VSTM2A: variants seen among roughly 807,000 people sequenced by gnomAD.
The protein encoded by VSTM2A is V-set and transmembrane domain containing 2A, also known as V-set and transmembrane domain-containing protein 2A.
Under a neutral mutation model 27.3 loss-of-function variants are expected in VSTM2A, and 13 were observed. The ratio of observed to expected loss-of-function variants is 0.48; its 90% CI spans 0.31 to 0.76. The LOEUF (loss-of-function observed/expected upper bound fraction) is 0.76, where lower values mean the gene tolerates loss of function less well. VSTM2A is among the 30% of genes least tolerant of loss of function. The pLI is 0.05. For missense variants in VSTM2A, 280 were observed against 310.0 expected, an observed-to-expected ratio of 0.90 and a Z score of 0.73; for synonymous variants, 142 against 125.7, an observed-to-expected ratio of 1.13 and a Z score of -0.87.
At position 54,546,962 on chromosome 7, in the gene VSTM2A, G is replaced by T. The variant is rs770082723; in HGVS notation, c.262G>T (p.Asp88Tyr). The T allele has an allele frequency of 3.1e-6, 5 of 1,596,294 alleles. No individual in the cohort carries two copies. The highest frequency in any genetic ancestry group is 1.7e-4 in the Middle Eastern group (1 of 6,034). ...TTGCCCGCAGGTGGAGCTCTTGCCC[G>T]ACAGAGACCCGGACAGCGACGGGAC... ...GAGAQVELLP[D>Y]RDPDSDGTKI... The change falls in exon 3 of 5, where the codon GAC becomes TAC. Residue 88 changes from aspartate (D) to tyrosine (Y), a missense_variant. Asp to Tyr is a radical substitution (Grantham distance 160). Transcript: ENST00000402613.
At position 54,546,940 on chromosome 7, in the gene VSTM2A, C is replaced by T. The variant is rs547337649; in HGVS notation, c.247-7C>T. On this transcript the variant is annotated splice_region_variant and splice_polypyrimidine_tract_variant and intron_variant, in intron 2 of 4. Coordinates refer to ENST00000402613, the MANE Select transcript of VSTM2A (RefSeq NM_001301009.2). ...CGCGGGACTGAGCGTTCGCTCCTTG[C>T]CCGCAGGTGGAGCTCTTGCCCGACA... 5.0e-6 allele frequency: 8 copies of T among 1,598,334 alleles called. No individual in the cohort carries two copies. In the South Asian group the frequency reaches 5.5e-5, roughly 11 times the overall value.
At chr7:54,555,397 T>C (rs1432830904) in intron 4 of VSTM2A, among the ~76,000 whole-genome samples, 1 of 152,238 alleles carries the variant, frequency 6.6e-6, no homozygotes, top group Admixed American at 6.5e-5. Flanking sequence ...AGTCTTTCCA[T>C]TTGGTATTGC....
At position 54,549,885 on chromosome 7, in the gene VSTM2A, G is replaced by T; in HGVS notation, c.349G>T (p.Val117Leu). ...DISHKLQISK[V>L]RKKDEGLYEC... Reference sequence around the variant, plus strand: ...CTCCCACAAGCTTCAGATTTCCAAAGTGAGGAAAAAGGATGAAGGCTTATA... The same window carrying T: ...CTCCCACAAGCTTCAGATTTCCAAATTGAGGAAAAAGGATGAAGGCTTATA... Residue 117 changes from valine (V) to leucine (L), a missense_variant, in exon 4 of 5, where the codon GTG becomes TTG. Physicochemically the swap from Val to Leu is conservative, Grantham distance 32. Transcript: ENST00000402613. 6.2e-7 allele frequency: 1 copy of T among 1,612,012 alleles called. No homozygotes were observed. Among genetic ancestry groups the T allele is most frequent in the Non-Finnish European group, 8.5e-7 (1 of 1,179,186 alleles).
intron 4 of VSTM2A, chr7:54,551,968 C>G (rs187217323): frequency 6.6e-6 from 1 of 152,246 alleles, no homozygotes; most frequent in African/African-American, 2.4e-5. Context: ...GTTTTCTTAG[C>G]TTTTGGGGTT....
intron 4 of VSTM2A, among the ~76,000 whole-genome samples, chr7:54,562,018 G>A (rs932320869): frequency 4.6e-5 from 7 of 151,942 alleles, no homozygotes; most frequent in Non-Finnish European, 8.8e-5. Context: ...TCCACCTCCC[G>A]GGTTCAAACA....
At chr7:54,553,855 T>G (rs1192678966) in intron 4 of VSTM2A, 6 of 1,551,090 alleles carry the variant, frequency 3.9e-6, no homozygotes, top group East Asian at 2.4e-5. Context: ...TGTTTCTTCC[T>G]GTCTCATCCA....
chr7:54,554,199 C>T lies in VSTM2A; in HGVS notation c.634+4029C>T, dbSNP rs143221650. 4.9e-4 allele frequency: 700 copies of T among 1,429,224 alleles called. 3 individuals carry two copies. The African/African-American group carries it at 8.8e-3, about 18-fold the overall frequency. 88.5% of individuals were successfully genotyped at this position (1,429,224 alleles called of 1,614,324 possible). A position where few individuals can be genotyped will look rare whatever the true frequency, so the allele number is the denominator to read the frequency against. Reference sequence around the variant, plus strand: ...CTCTAGGCAGCCTTTCTCCCTCGATCACTCCTTCCTGACACTCTTACCTCT... The same window carrying T: ...CTCTAGGCAGCCTTTCTCCCTCGATTACTCCTTCCTGACACTCTTACCTCT... On this transcript the variant is annotated intron_variant, in intron 4 of 4. Coordinates refer to ENST00000402613, the MANE Select transcript of VSTM2A (RefSeq NM_001301009.2).
In VSTM2A at chr7:54,542,676, T is replaced by C; in HGVS notation, c.-55T>C. The C allele has an allele frequency of 6.4e-7, 1 of 1,559,026 alleles. No individual in the cohort carries two copies. The highest frequency in any genetic ancestry group is 8.8e-7 in the Non-Finnish European group (1 of 1,135,874). ...CCTGCCATCCACTCGCACGCCTTTC[T>C]TTCAGGGCTTTTCGGCTGTTGGCTA... On this transcript the variant is annotated 5_prime_UTR_variant, in exon 1 of 5. Transcript: ENST00000402613.
rs1188167723 is a variant in VSTM2A at position 54,544,746 on chromosome 7, G to A, written c.204G>A (p.Gly68=). 3.7e-6 allele frequency: 6 copies of A among 1,612,220 alleles called. No homozygotes were observed. Among genetic ancestry groups the A allele is most frequent in the Middle Eastern group, 1.6e-4 (1 of 6,070 alleles). ...AGATCCAATGGTGGTTCCTGCGGGGGCCGGAGGACCTGGATCCCGGGGCCG... is the reference window on the plus strand; with the variant it reads ...AGATCCAATGGTGGTTCCTGCGGGGACCGGAGGACCTGGATCCCGGGGCCG... ...YLEIQWWFLR[G]PEDLDPGAEG... The change falls in exon 2 of 5, where the codon GGG becomes GGA. Residue 68 remains glycine (G), a synonymous_variant. Coordinates refer to ENST00000402613, the MANE Select transcript of VSTM2A (RefSeq NM_001301009.2).
chr7:54,546,758 G>A lies in VSTM2A; in HGVS notation c.247-189G>A, dbSNP rs140013865. 2.1e-4 allele frequency: 120 copies of A among 582,736 alleles called. No homozygotes were observed. In the East Asian group the frequency reaches 3.7e-3, roughly 18 times the overall value. 36.1% of individuals were successfully genotyped at this position (582,736 alleles called of 1,614,324 possible). A position where few individuals can be genotyped will look rare whatever the true frequency, so the allele number is the denominator to read the frequency against. On this transcript the variant is annotated intron_variant, in intron 2 of 4. Transcript: ENST00000402613. ...GCGTGGGGTATGCCAGGGACAGCGT[G>A]GGGTATGCCAGGGACAGCGTGGGGG...
chr7:54,561,490 T>G (rs1364840095), intron 4 of VSTM2A, among the ~76,000 whole-genome samples: 1 of 152,256 alleles, frequency 6.6e-6, no homozygotes, highest in African/African-American at 2.4e-5. Context: ...TTAATTTATT[T>G]AAAATGATAT....
In VSTM2A at chr7:54,570,170, A is replaced by C. The variant is rs908947671; in HGVS notation, c.*951A>C. On this transcript the variant is annotated 3_prime_UTR_variant, in exon 5 of 5. Transcript: ENST00000402613. ...TGTCTGTGCTAAGTTGGAATTTACT[A>C]TGTTCCTTTATACATGGTGTTTATT... 2 of 152,098 alleles carry C rather than the reference A, an allele frequency of 1.3e-5. No individual in the cohort carries two copies. Among genetic ancestry groups the C allele is most frequent in the Non-Finnish European group, 2.9e-5 (2 of 67,984 alleles). The allele number at this position is 152,098 out of a possible 1,614,324, so 9.4% of individuals were successfully genotyped here. A position where few individuals can be genotyped will look rare whatever the true frequency, so the allele number is the denominator to read the frequency against.
rs1220840447 is a variant in VSTM2A, at chr7:54,542,670, CCTTT to C, written c.-55_-52del. ...ACTGAGCCTGCCATCCACTCGCACG[CCTTT>C]CTTTCAGGGCTTTTCGGCTGTTGGC... On this transcript the variant is annotated 5_prime_UTR_variant, in exon 1 of 5. Coordinates refer to ENST00000402613, the MANE Select transcript of VSTM2A (RefSeq NM_001301009.2). 4 of 1,506,158 alleles carry C rather than the reference CCTTT, an allele frequency of 2.7e-6. No individual in the cohort carries two copies. The highest frequency in any genetic ancestry group is 1.4e-5 in the African/African-American group (1 of 72,388). The allele number at this position is 1,506,158 out of a possible 1,614,324, so 93.3% of individuals were successfully genotyped here. A position where few individuals can be genotyped will look rare whatever the true frequency, so the allele number is the denominator to read the frequency against.
At chr7:54,542,953 A>AT (rs770183881) in intron 1 of VSTM2A, 144 bp downstream of exon 1, 25 of 769,394 alleles carry the variant, frequency 3.2e-5, no homozygotes, top group South Asian at 9.0e-5. Flanking sequence ...CTGTTTGACG[A>AT]TTTTTTTTAA....
intron 4 of VSTM2A, among the ~76,000 whole-genome samples, chr7:54,561,409 G>T (rs995834397): frequency 6.6e-6 from 1 of 152,170 alleles, no homozygotes; most frequent in African/African-American, 2.4e-5. Context: ...GACTGCCTAT[G>T]TAGCAATGGT....
At chr7:54,557,940 AT>A (rs1390138482) in intron 4 of VSTM2A, 2 of 152,180 alleles carry the variant, frequency 1.3e-5, no homozygotes, top group Non-Finnish European at 2.9e-5. Flanking sequence ...ATGATTTATA[AT>A]TTCAGAGCTT....
chr7:54,547,743 A>C (rs2115794765), intron 3 of VSTM2A, among the ~76,000 whole-genome samples: 1 of 152,334 alleles, frequency 6.6e-6, no homozygotes, highest in Non-Finnish European at 1.5e-5. Context: ...AAATCTGTTA[A>C]GCATAAACAT....
chr7:54,565,110 G>A (rs939256006), intron 4 of VSTM2A, among the ~76,000 whole-genome samples: 1 of 152,174 alleles, frequency 6.6e-6, no homozygotes, highest in Non-Finnish European at 1.5e-5. Flanking sequence ...TTTAACAAAT[G>A]TGGGGTATTG....
intron 4 of VSTM2A, chr7:54,554,176 C>T (rs951056860): frequency 6.7e-7 from 1 of 1,491,630 alleles, no homozygotes; most frequent in African/African-American, 1.4e-5. Flanking sequence ...TTCCCAGTCT[C>T]TAGGCAGCCT....
Sources: allele counts gnomAD v4.1 joint callset (sites outside exome capture counted in the v4.1 genomes callset), GRCh38; gene constraint gnomAD v4.1.1; transcripts MANE v1.5; gene names NCBI Gene and HGNC (gene_info 2026-07-23, HGNC 2026-07-21).